The following PLEKHM3 variants were observed in gnomAD, a reference collection of about 807,000 sequenced individuals.
The protein encoded by PLEKHM3 is pleckstrin homology domain-containing family M member 3.
In PLEKHM3, 45 loss-of-function variants were observed where a neutral mutation model predicts 81.8. That is an observed-to-expected ratio of 0.55 (90% CI 0.43 to 0.71). The LOEUF is 0.71. Ranked by LOEUF, PLEKHM3 falls within the 30% of genes least tolerant of loss-of-function variation. The pLI, the probability that PLEKHM3 is intolerant of heterozygous loss-of-function variation, is 0.00. For missense variants in PLEKHM3, 788 were observed against 924.3 expected (o/e 0.85, Z 1.91); for synonymous variants, 352 against 356.4 (o/e 0.99, Z 0.14).
At chr2:207,955,458 C>T (rs1241695414) in intron 3 of PLEKHM3, among the ~76,000 whole-genome samples, 3 of 152,108 alleles carry the variant, frequency 2.0e-5, no homozygotes, top group Admixed American at 6.5e-5. Context: ...ACATTATAAG[C>T]AAACACCTTA....
At position 207,890,976 on chromosome 2, in the gene PLEKHM3, T is replaced by C. The variant is rs146460310; in HGVS notation, c.1950+17538A>G. ...CAAACTTCAATAAAATTTTAATAAA[T>C]ATTTTATTAGTTTTCTTATCAGTAA... On this transcript the variant is annotated intron_variant, in intron 6 of 7. Transcript: ENST00000427836. Among the ~76,000 whole-genome samples the C allele has an allele frequency of 1.5e-4, 23 of 152,322 alleles. No individual in the cohort carries two copies. The East Asian group carries it at 3.7e-3, about 24-fold the overall frequency.
chr2:207,998,431 G>A (rs1692190261), intron 2 of PLEKHM3, among the ~76,000 whole-genome samples: 1 of 152,208 alleles, frequency 6.6e-6, no homozygotes, highest in Admixed American at 6.5e-5. Flanking sequence ...AGGATCGCAT[G>A]AGCGTGGGAG....
rs11458180 is a variant in PLEKHM3, at chr2:207,880,410, G to GAA, written c.1951-19150_1951-19149dup. ...CGACAGAGTGAGACTCTGTCTAAAA[G>GAA]AAAAAAAAAAAAACGCAAATTGATG... is the stretch of plus-strand genomic sequence containing the variant. On this transcript the variant is annotated intron_variant, in intron 6 of 7. Coordinates refer to ENST00000427836, the MANE Select transcript of PLEKHM3 (RefSeq NM_001080475.3). Among the ~76,000 whole-genome samples, 670 of 131,464 alleles carry GAA rather than the reference G, an allele frequency of 5.1e-3. 1 individual carries two copies. Among genetic ancestry groups the GAA allele is most frequent in the Non-Finnish European group, 5.9e-3 (365 of 61,484 alleles). The allele number at this position is 131,464 out of a possible 152,430, so 86.2% of individuals were successfully genotyped here. A position where few individuals can be genotyped will look rare whatever the true frequency, so the allele number is the denominator to read the frequency against.
chr2:207,929,381 C>T (rs1689511297), intron 5 of PLEKHM3, among the ~76,000 whole-genome samples: 1 of 152,138 alleles, frequency 6.6e-6, no homozygotes, highest in South Asian at 2.1e-4. Context: ...ATATTTTAAG[C>T]AGAGCAAAAC....
At chr2:207,834,963 G>A (rs1325833797) in intron 7 of PLEKHM3, among the ~76,000 whole-genome samples, 3 of 147,818 alleles carry the variant, frequency 2.0e-5, no homozygotes, top group Non-Finnish European at 4.5e-5. Context: ...TTTTTGAGAC[G>A]GAGTTTCACT....
intron 7 of PLEKHM3, among the ~76,000 whole-genome samples, chr2:207,853,708 T>A (rs1490722162): frequency 1.3e-5 from 2 of 152,072 alleles, no homozygotes; most frequent in Non-Finnish European, 1.5e-5. Context: ...CACTCCAGCC[T>A]TGGCGACCTA....
At chr2:207,830,448 T>C (rs954965811) in intron 7 of PLEKHM3, among the ~76,000 whole-genome samples, 2 of 151,832 alleles carry the variant, frequency 1.3e-5, no homozygotes, top group African/African-American at 4.8e-5. Context: ...ACCCCGACTC[T>C]ACTGAAAATA....
chr2:207,951,912 G>A (rs984185429), intron 3 of PLEKHM3, among the ~76,000 whole-genome samples: 2 of 152,116 alleles, frequency 1.3e-5, no homozygotes, highest in Admixed American at 6.5e-5. Flanking sequence ...AAAACTCATG[G>A]GCTAAGAGGG....
At chr2:207,836,759 G>A (rs1310834514) in intron 7 of PLEKHM3, among the ~76,000 whole-genome samples, 1 of 152,216 alleles carries the variant, frequency 6.6e-6, no homozygotes, top group East Asian at 1.9e-4. Flanking sequence ...CTTCTGCTGT[G>A]TTCATGTTGG....
chr2:207,895,600 C>A (rs544518101), intron 6 of PLEKHM3, among the ~76,000 whole-genome samples: 5 of 152,266 alleles, frequency 3.3e-5, no homozygotes, highest in Admixed American at 3.3e-4. Flanking sequence ...AGCCCAAGTT[C>A]TTAAATAGTT....
intron 5 of PLEKHM3, among the ~76,000 whole-genome samples, chr2:207,922,870 T>C (rs1689234230): frequency 6.6e-6 from 1 of 150,850 alleles, no homozygotes; most frequent in African/African-American, 2.4e-5. Flanking sequence ...GTCCAGATGA[T>C]CACTGCTGGA....
intron 1 of PLEKHM3, among the ~76,000 whole-genome samples, chr2:208,020,392 T>C (rs1693086193): frequency 6.6e-6 from 1 of 152,236 alleles, no homozygotes; most frequent in South Asian, 2.1e-4. Context: ...ATTGCCTCCA[T>C]ATTTTGACTT....
chr2:207,938,442 C>A lies in PLEKHM3; in HGVS notation c.1693-7323G>T, dbSNP rs545241721. ...TCTGTTCTGCAAAACCATTTTTTTA[C>A]TCTTTTAAATGGCTATTCAAGCCAG... On this transcript the variant is annotated intron_variant, in intron 4 of 7. Coordinates refer to ENST00000427836, the MANE Select transcript of PLEKHM3 (RefSeq NM_001080475.3). Among the ~76,000 whole-genome samples the A allele has an allele frequency of 9.2e-5, 14 of 152,262 alleles. 1 individual carries two copies. The South Asian group carries it at 1.7e-3, about 18-fold the overall frequency.
At chr2:207,967,975 C>T (rs1690975820) in intron 3 of PLEKHM3, among the ~76,000 whole-genome samples, 1 of 151,996 alleles carries the variant, frequency 6.6e-6, no homozygotes, top group South Asian at 2.1e-4. Context: ...CCTTTACTGA[C>T]AAACTTCTAG....
chr2:207,960,721 G>A (rs1690700235), intron 3 of PLEKHM3, among the ~76,000 whole-genome samples: 1 of 152,184 alleles, frequency 6.6e-6, no homozygotes, highest in Non-Finnish European at 1.5e-5. Flanking sequence ...AGATCACACA[G>A]GAGAGTCGGG....
chr2:207,866,989 A>AAGT (rs2092505125), intron 6 of PLEKHM3, among the ~76,000 whole-genome samples: 2 of 152,354 alleles, frequency 1.3e-5, no homozygotes, highest in East Asian at 3.9e-4. Context: ...TTACCCATAC[A>AAGT]AATGGCAATT....
chr2:207,887,794 A>C (rs961234729), intron 6 of PLEKHM3, among the ~76,000 whole-genome samples: 2 of 152,226 alleles, frequency 1.3e-5, no homozygotes, highest in African/African-American at 4.8e-5. Flanking sequence ...GAACAACAGC[A>C]CTGCCAGGGC....
At chr2:207,951,205 C>T (rs1690316826) in intron 3 of PLEKHM3, among the ~76,000 whole-genome samples, 1 of 152,130 alleles carries the variant, frequency 6.6e-6, no homozygotes, top group Admixed American at 6.5e-5. Flanking sequence ...TTAATAATCA[C>T]TGTTACAAAA....
At chr2:208,014,089 T>G (rs1284547875) in intron 1 of PLEKHM3, among the ~76,000 whole-genome samples, 1 of 152,208 alleles carries the variant, frequency 6.6e-6, no homozygotes, top group Non-Finnish European at 1.5e-5. Flanking sequence ...GGGCTGCATC[T>G]ATGACCTCTC....
Sources: gnomAD v4.1 joint callset for allele counts (sites outside exome capture counted in the v4.1 genomes callset) on GRCh38, gnomAD v4.1.1 for gene constraint, MANE v1.5 for transcripts, NCBI Gene and HGNC (gene_info 2026-07-23, HGNC 2026-07-21) for gene names.